RFPL1: variants seen among roughly 807,000 people sequenced by gnomAD.
RFPL1 encodes ret finger protein-like 1.
A neutral mutation model predicts 9.6 loss-of-function variants in RFPL1; 6 were observed. That is an observed-to-expected ratio of 0.62 (90% confidence interval 0.34 to 1.23). The LOEUF (loss-of-function observed/expected upper bound fraction) is 1.23, where lower values mean the gene tolerates loss of function less well. Ranked by LOEUF, RFPL1 falls within the 50% of genes most tolerant of loss-of-function variation. The pLI is 0.03. For synonymous variants in RFPL1, 145 were observed against 149.4 expected, an observed-to-expected ratio of 0.97 and a Z score of 0.22; for missense variants, 352 against 398.4, an observed-to-expected ratio of 0.88 and a Z score of 0.99.
the RFPL1 span, among the ~76,000 whole-genome samples, chr22:29,392,224 C>G: frequency 6.6e-6 from 1 of 150,744 alleles, no homozygotes; most frequent in African/African-American, 2.4e-5. Flanking sequence ...GGATTACAGG[C>G]GCCCACCACC....
At chr22:29,413,711 C>T in the RFPL1 span, among the ~76,000 whole-genome samples, 1 of 152,012 alleles carries the variant, frequency 6.6e-6, no homozygotes, top group Non-Finnish European at 1.5e-5. Context: ...TTTTTATAGG[C>T]TTTTTTAACC....
At chr22:29,409,993 C>T in the RFPL1 span, among the ~76,000 whole-genome samples, 2 of 151,920 alleles carry the variant, frequency 1.3e-5, no homozygotes, top group Admixed American at 1.3e-4. Context: ...CAAAGACTTG[C>T]TAAATATTCC....
chr22:29,411,046 G>A, the RFPL1 span, among the ~76,000 whole-genome samples: 1 of 152,186 alleles, frequency 6.6e-6, no homozygotes, highest in Non-Finnish European at 1.5e-5. Flanking sequence ...TCCATCTGCT[G>A]CATCTGAGGA....
chr22:29,401,677 CAT>C, the RFPL1 span, among the ~76,000 whole-genome samples: 1 of 152,212 alleles, frequency 6.6e-6, no homozygotes, highest in African/African-American at 2.4e-5. Context: ...TCCAGATGAA[CAT>C]AGAGTATCTT....
the RFPL1 span, among the ~76,000 whole-genome samples, chr22:29,404,725 G>C: frequency 6.6e-6 from 1 of 152,154 alleles, no homozygotes; most frequent in Admixed American, 6.5e-5. Flanking sequence ...TTGTAACTCA[G>C]TAATGCTTTT....
At chr22:29,441,414 T>C (rs879906073) in intron 1 of RFPL1, 128 bp from the exon 2 acceptor site, 19 of 1,177,570 alleles carry the variant, frequency 1.6e-5, no homozygotes, top group Non-Finnish European at 2.3e-5. Flanking sequence ...TCATGAAAAG[T>C]TTTGATTTTG....
At chr22:29,424,197 T>G in the RFPL1 span, among the ~76,000 whole-genome samples, 1 of 151,362 alleles carries the variant, frequency 6.6e-6, no homozygotes, top group African/African-American at 2.4e-5. Context: ...AAAAAGACCA[T>G]AGGACAAAGA....
chr22:29,412,909 A>G, the RFPL1 span, among the ~76,000 whole-genome samples: 1 of 152,050 alleles, frequency 6.6e-6, no homozygotes, highest in Non-Finnish European at 1.5e-5. Flanking sequence ...TTGTCTAGAC[A>G]GGGTGTGCAG....
the RFPL1 span, among the ~76,000 whole-genome samples, chr22:29,389,327 A>T: frequency 6.6e-6 from 1 of 151,532 alleles, no homozygotes; most frequent in Non-Finnish European, 1.5e-5. Flanking sequence ...GGTTGAGGTT[A>T]CAGTGAGCTA....
chr22:29,437,953 ATTT>A (rs3044138), upstream of RFPL1: 1,202 of 262,250 alleles, frequency 4.6e-3, no homozygotes, highest in South Asian at 7.1e-3. Context: ...GAAGGATGTG[ATTT>A]TTTTTTTTTT....
the RFPL1 span, among the ~76,000 whole-genome samples, chr22:29,421,745 C>G: frequency 6.6e-6 from 1 of 151,224 alleles, no homozygotes; most frequent in African/African-American, 2.4e-5. Context: ...CCTTCCCCTT[C>G]CTATCCCCCA....
chr22:29,438,545 T>A, upstream of RFPL1: 2 of 1,329,348 alleles, frequency 1.5e-6, no homozygotes, highest in Non-Finnish European at 1.9e-6. Context: ...TAGGAGGAGG[T>A]GAAATGACCC....
upstream of RFPL1, chr22:29,437,631 G>A: frequency 2.5e-6 from 4 of 1,591,168 alleles, no homozygotes; most frequent in Non-Finnish European, 3.4e-6. Context: ...AGTGGGAGGT[G>A]GGAATCTCAC....
At chr22:29,391,049 G>A in the RFPL1 span, among the ~76,000 whole-genome samples, 1 of 152,064 alleles carries the variant, frequency 6.6e-6, no homozygotes, top group South Asian at 2.1e-4. Context: ...GGCTGAGGCA[G>A]GAGAATGGCG....
chr22:29,431,847 A>T, the RFPL1 span, among the ~76,000 whole-genome samples: 1 of 151,854 alleles, frequency 6.6e-6, no homozygotes, highest in Non-Finnish European at 1.5e-5. Flanking sequence ...TGCGCCACCA[A>T]GCCCAGCTAA....
chr22:29,429,244 G>A, the RFPL1 span, among the ~76,000 whole-genome samples: 1 of 152,028 alleles, frequency 6.6e-6, no homozygotes, highest in Non-Finnish European at 1.5e-5. Context: ...TTGTAGAGAC[G>A]AGGGTCTTAC....
the RFPL1 span, among the ~76,000 whole-genome samples, chr22:29,432,100 ACT>A: frequency 2.0e-5 from 3 of 151,950 alleles, no homozygotes; most frequent in East Asian, 1.9e-4. Flanking sequence ...AACTTGATTG[ACT>A]CTCTCTTAGC....
the RFPL1 span, among the ~76,000 whole-genome samples, chr22:29,401,309 G>T: frequency 6.6e-6 from 1 of 152,158 alleles, no homozygotes; most frequent in African/African-American, 2.4e-5. Context: ...TTTCCTTAAT[G>T]ATTTGAGTTA....
At chr22:29,391,004 T>C in the RFPL1 span, among the ~76,000 whole-genome samples, 1 of 150,476 alleles carries the variant, frequency 6.6e-6, no homozygotes, top group African/African-American at 2.4e-5. Context: ...TAGCCGGACA[T>C]GGTGGTGGGT....
Sources: allele counts gnomAD v4.1 joint callset (sites outside exome capture counted in the v4.1 genomes callset), GRCh38; gene constraint gnomAD v4.1.1; transcripts MANE v1.5; gene names NCBI Gene and HGNC (gene_info 2026-07-23, HGNC 2026-07-21).